The following SKP2 variants were observed in gnomAD, a reference collection of about 807,000 sequenced individuals.
SKP2 encodes the protein S-phase kinase-associated protein 2.
In SKP2, 16 loss-of-function variants were observed where a neutral mutation model predicts 51.8. The ratio of observed to expected loss-of-function variants is 0.31; its 90% confidence interval spans 0.21 to 0.47. SKP2 has a LOEUF of 0.47. Ranked by LOEUF, SKP2 falls within the 20% of genes least tolerant of loss-of-function variation. The probability of loss-of-function intolerance (pLI) is 1.00; values close to 1 mark genes in which losing one functional copy is unlikely to be tolerated. For missense variants in SKP2, 377 were observed against 505.3 expected, an observed-to-expected ratio of 0.75 and a Z score of 2.43; for synonymous variants, 176 against 198.6, an observed-to-expected ratio of 0.89 and a Z score of 0.96.
chr5:36,192,294 TTTACTC>T (rs1428834754), intron 6 of SKP2, among the ~76,000 whole-genome samples: 4 of 152,282 alleles, frequency 2.6e-5, no homozygotes, highest in East Asian at 3.9e-4. Context: ...CATTAGTACA[TTTACTC>T]TTATCTCCCC....
In SKP2 at chr5:36,171,572, A is replaced by G. The variant is rs1267634690; in HGVS notation, c.771-31A>G. 10 of 1,604,984 alleles carry G rather than the reference A, an allele frequency of 6.2e-6. 1 individual carries two copies. In the South Asian group the frequency reaches 6.7e-5, roughly 11 times the overall value. Reference sequence around the variant, plus strand: ...AAACTCATTCCCGTGTGATGGTTTCATATTTTGTTTATTACCCCTCTTTTG... The same window carrying G: ...AAACTCATTCCCGTGTGATGGTTTCGTATTTTGTTTATTACCCCTCTTTTG... On this transcript the variant is annotated intron_variant, in intron 6 of 9. Transcript: ENST00000274255.
intron 7 of SKP2, among the ~76,000 whole-genome samples, chr5:36,175,679 G>C (rs776847586): frequency 1.3e-5 from 2 of 151,520 alleles, no homozygotes; most frequent in Non-Finnish European, 2.9e-5. Context: ...GTTTGAGTGT[G>C]TTTTGACCAA....
intron 1 of SKP2, among the ~76,000 whole-genome samples, chr5:36,152,480 G>A (rs943643643): frequency 6.6e-6 from 1 of 152,148 alleles, no homozygotes; most frequent in Admixed American, 6.5e-5. Flanking sequence ...GGGCTTTTCT[G>A]CCACCGTTTT....
In SKP2 at chr5:36,168,321, G is replaced by C; in HGVS notation, c.545G>C (p.Arg182Pro). 1 of 1,613,844 alleles carries C rather than the reference G, an allele frequency of 6.2e-7. No homozygotes were observed. The highest frequency in any genetic ancestry group is 8.5e-7 in the Non-Finnish European group (1 of 1,179,870). Residue 182 changes from arginine (R) to proline (P), a missense_variant, in exon 5 of 10, where the codon CGT becomes CCT. By Grantham distance (103) the Arg-to-Pro change is moderately radical. Transcript: ENST00000274255. ...TTTCTCTCCGTGTTTAGCCCTTTTC[G>C]TGTACAGCACATGGACCTATCGAAC... is the stretch of plus-strand genomic sequence containing the variant. ...QPLAEHFSPF[R>P]VQHMDLSNSV...
chr5:36,168,667 A>G (rs1203188493), intron 5 of SKP2, among the ~76,000 whole-genome samples: 1 of 152,236 alleles, frequency 6.6e-6, no homozygotes, highest in Non-Finnish European at 1.5e-5. Flanking sequence ...TAGAGATACA[A>G]GTACAAGGAT....
intron 3 of SKP2, among the ~76,000 whole-genome samples, chr5:36,165,980 A>T (rs572142433): frequency 1.8e-4 from 28 of 152,222 alleles, no homozygotes; most frequent in Non-Finnish European, 2.1e-4. Flanking sequence ...TAAGCTTCAA[A>T]TATATTATAA....
chr5:36,180,501 C>A (rs1039008864), intron 9 of SKP2, among the ~76,000 whole-genome samples: 2 of 152,110 alleles, frequency 1.3e-5, no homozygotes, highest in African/African-American at 4.8e-5. Context: ...TCATCTTGTA[C>A]TCAGCTAACG....
chr5:36,152,291 G>A lies in SKP2; in HGVS notation c.8+21G>A, dbSNP rs373598552. On this transcript the variant is annotated intron_variant, in intron 1 of 9. Transcript: ENST00000274255. ...CACAGGTAAACGGATTGCAAAAAGG[G>A]GAAGAGCATGAAATGGACCCTCTTA... The A allele has an allele frequency of 8.1e-6, 13 of 1,611,394 alleles. No homozygotes were observed. In the African/African-American group the frequency reaches 1.6e-4, roughly 20 times the overall value.
downstream of SKP2, among the ~76,000 whole-genome samples, chr5:36,185,733 C>T (rs556020354): frequency 1.3e-5 from 2 of 152,228 alleles, no homozygotes; most frequent in East Asian, 1.9e-4. Flanking sequence ...CTTGGCAATA[C>T]GGGCTCTTTT....
downstream of SKP2, among the ~76,000 whole-genome samples, chr5:36,186,967 CT>C (rs1466091910): frequency 6.6e-6 from 1 of 152,130 alleles, no homozygotes; most frequent in Non-Finnish European, 1.5e-5. Flanking sequence ...CTGGTTTAGT[CT>C]TGGGAGGATG....
chr5:36,164,311 C>T (rs1013564588), intron 3 of SKP2, among the ~76,000 whole-genome samples: 2 of 152,192 alleles, frequency 1.3e-5, no homozygotes, highest in African/African-American at 4.8e-5. Flanking sequence ...GACTCACAGA[C>T]ATGTTCCACA....
intron 7 of SKP2, among the ~76,000 whole-genome samples, chr5:36,173,672 G>A (rs556727611): frequency 1.3e-4 from 20 of 152,222 alleles, no homozygotes; most frequent in East Asian, 9.7e-4. Flanking sequence ...CCTGTTTACC[G>A]AGTTTTGGCA....
chr5:36,188,461 A>G (rs576850299), downstream of SKP2, among the ~76,000 whole-genome samples: 1 of 152,244 alleles, frequency 6.6e-6, no homozygotes, highest in South Asian at 2.1e-4. Context: ...CTTGTCTGTA[A>G]AGGATTTTAT....
At chr5:36,155,557 C>A (rs749449109) in intron 2 of SKP2, among the ~76,000 whole-genome samples, 26 of 152,164 alleles carry the variant, frequency 1.7e-4, no homozygotes, top group Non-Finnish European at 2.5e-4. Flanking sequence ...ATTCCTGACA[C>A]CAATTTTGGA....
At chr5:36,162,856 C>A (rs533240310) in intron 2 of SKP2, among the ~76,000 whole-genome samples, 176 of 152,270 alleles carry the variant, frequency 1.2e-3, no homozygotes, top group African/African-American at 4.0e-3. Context: ...AGGAAACGTA[C>A]AAGCTTGGTG....
In SKP2 at chr5:36,161,129, A is replaced by G. The variant is rs530587039; in HGVS notation, c.281-2516A>G. On this transcript the variant is annotated intron_variant, in intron 2 of 9. Coordinates refer to ENST00000274255, the MANE Select transcript of SKP2 (RefSeq NM_005983.4). ...GGTTATTGAAGTTTCCTGTTTGTCT[A>G]TATCTCTCAAACTCTGAGCAGAATA... Among the ~76,000 whole-genome samples the G allele has an allele frequency of 5.3e-5, 8 of 152,000 alleles. No individual in the cohort carries two copies. The South Asian group carries it at 8.3e-4, about 16-fold the overall frequency.
intron 7 of SKP2, among the ~76,000 whole-genome samples, chr5:36,173,255 C>T (rs934906318): frequency 3.9e-5 from 6 of 152,092 alleles, no homozygotes; most frequent in Non-Finnish European, 8.8e-5. Flanking sequence ...TTTTTCTCTC[C>T]TATAAACAAT....
At chr5:36,178,883 TC>T (rs1425856034) in intron 9 of SKP2, among the ~76,000 whole-genome samples, 1 of 152,140 alleles carries the variant, frequency 6.6e-6, no homozygotes. Context: ...AATATTTTTA[TC>T]CAGTGGGATA....
chr5:36,177,636 C>CT (rs201383999), intron 9 of SKP2, among the ~76,000 whole-genome samples: 2,039 of 143,134 alleles, frequency 0.014, 18 homozygotes, highest in African/African-American at 0.034. Flanking sequence ...GGGTTAGTGT[C>CT]TTTTTTTTTT....
Sources: allele counts gnomAD v4.1 joint callset (sites outside exome capture counted in the v4.1 genomes callset), GRCh38; gene constraint gnomAD v4.1.1; transcripts MANE v1.5; gene names NCBI Gene and HGNC (gene_info 2026-07-23, HGNC 2026-07-21).